SEC22A: variants seen among roughly 807,000 people sequenced by gnomAD.
SEC22A encodes vesicle-trafficking protein SEC22a.
Under a neutral mutation model 35.3 loss-of-function variants are expected in SEC22A, and 22 were observed. The observed-to-expected ratio is 0.62, with a 90% CI of 0.45 to 0.89. The LOEUF is 0.89. SEC22A is among the 40% of genes least tolerant of loss of function. SEC22A has a pLI of 0.00. For synonymous variants in SEC22A, 119 were observed against 129.5 expected (o/e 0.92, Z 0.55); for missense variants, 354 against 362.5 (o/e 0.98, Z 0.19).
At chr3:123,217,203 A>ATT (rs201483175) in intron 2 of SEC22A, among the ~76,000 whole-genome samples, 3,960 of 144,834 alleles carry the variant, frequency 0.027, 157 homozygotes, top group African/African-American at 0.09. Flanking sequence ...ATTCCAAAAC[A>ATT]TTTTTTTTTT....
At chr3:123,203,053 CTTTTTT>C (rs779433710) in intron 1 of SEC22A, among the ~76,000 whole-genome samples, 3,990 of 44,134 alleles carry the variant, frequency 0.09, 439 homozygotes, top group African/African-American at 0.14. Context: ...TGTTTAGTGC[CTTTTTT>C]TTTTTTTTTT....
chr3:123,259,648 T>C, intron 6 of SEC22A, 59 bp downstream of exon 6: 1 of 1,106,354 alleles, frequency 9.0e-7, no homozygotes. Flanking sequence ...CGGGTATCAG[T>C]TCTAACAATT....
Position 123,220,881 on chromosome 3 carries a change from CAT to C in SEC22A, c.183-2663_183-2662del, listed in dbSNP as rs755724948. Among the ~76,000 whole-genome samples, 33 of 93,134 alleles carry C rather than the reference CAT, an allele frequency of 3.5e-4. 1 individual carries two copies. The highest frequency in any genetic ancestry group is 3.3e-3 in the East Asian group (12 of 3,682). 61.1% of individuals were successfully genotyped at this position (93,134 alleles called of 152,430 possible). On this transcript the variant is annotated intron_variant, in intron 2 of 6. Transcript: ENST00000492595. ...AAAAAAGGTCTCATATATATATATA[CAT>C]ATATATATATATATGTCACATGTAT... is the stretch of plus-strand genomic sequence containing the variant.
At chr3:123,230,341 C>A (rs1937299007) in intron 4 of SEC22A, among the ~76,000 whole-genome samples, 1 of 152,044 alleles carries the variant, frequency 6.6e-6, no homozygotes, top group African/African-American at 2.4e-5. Flanking sequence ...TAATTCAAAT[C>A]AACAGGAACT....
chr3:123,222,247 G>A (rs1937136938), intron 2 of SEC22A, among the ~76,000 whole-genome samples: 1 of 151,812 alleles, frequency 6.6e-6, no homozygotes, highest in East Asian at 1.9e-4. Context: ...CACCCAGGCT[G>A]GAGTGCAATG....
intron 2 of SEC22A, among the ~76,000 whole-genome samples, chr3:123,217,628 A>T (rs1214921430): frequency 2.0e-5 from 3 of 152,242 alleles, no homozygotes; most frequent in African/African-American, 7.2e-5. Context: ...ACTACAAAGG[A>T]TAAGCAGAGT....
chr3:123,214,346 A>G (rs967925582), intron 2 of SEC22A, among the ~76,000 whole-genome samples: 1 of 152,238 alleles, frequency 6.6e-6, no homozygotes. Flanking sequence ...TCTGTGGAGC[A>G]TGGCTTGTGC....
intron 4 of SEC22A, among the ~76,000 whole-genome samples, chr3:123,236,457 C>T (rs1408716547): frequency 6.6e-6 from 1 of 152,124 alleles, no homozygotes; most frequent in Non-Finnish European, 1.5e-5. Flanking sequence ...AGGATGGAGG[C>T]CCAGAGAGAT....
intron 4 of SEC22A, among the ~76,000 whole-genome samples, chr3:123,234,154 C>T (rs987326309): frequency 1.3e-5 from 2 of 152,164 alleles, no homozygotes; most frequent in African/African-American, 4.8e-5. Context: ...CAAATAGTCT[C>T]ATGTTCATGG....
At chr3:123,229,102 T>C (rs1372173234) in intron 4 of SEC22A, among the ~76,000 whole-genome samples, 2 of 152,150 alleles carry the variant, frequency 1.3e-5, no homozygotes, top group Non-Finnish European at 2.9e-5. Flanking sequence ...GTTCCCAGAT[T>C]TACTGAAGAA....
At chr3:123,230,072 C>T (rs1559756015) in intron 4 of SEC22A, among the ~76,000 whole-genome samples, 1 of 151,376 alleles carries the variant, frequency 6.6e-6, no homozygotes, top group Non-Finnish European at 1.5e-5. Context: ...CCCATGAGCC[C>T]AGGAATTTGA....
intron 4 of SEC22A, among the ~76,000 whole-genome samples, chr3:123,229,619 T>C (rs980588846): frequency 6.6e-6 from 1 of 152,168 alleles, no homozygotes; most frequent in African/African-American, 2.4e-5. Context: ...ATCCCAACAC[T>C]TTGGGAGGCT....
chr3:123,212,559 A>G (rs1277622361), intron 2 of SEC22A, among the ~76,000 whole-genome samples: 1 of 152,070 alleles, frequency 6.6e-6, no homozygotes, highest in Admixed American at 6.5e-5. Flanking sequence ...ACTCTCTTTT[A>G]AAATTAAAAA....
At chr3:123,242,534 A>G (rs1173141772) in intron 4 of SEC22A, among the ~76,000 whole-genome samples, 2 of 150,010 alleles carry the variant, frequency 1.3e-5, no homozygotes, top group Non-Finnish European at 3.0e-5. Flanking sequence ...TTATTCTTTA[A>G]TGAACTCCCA....
chr3:123,237,585 A>C (rs9876874), intron 4 of SEC22A, among the ~76,000 whole-genome samples: 31,829 of 152,014 alleles, frequency 0.21, 3,464 homozygotes, highest in Middle Eastern at 0.28. Flanking sequence ...CTTCCATTGG[A>C]CCTTCCTTCT....
At chr3:123,247,895 C>T (rs577184304) in intron 5 of SEC22A, among the ~76,000 whole-genome samples, 46 of 152,184 alleles carry the variant, frequency 3.0e-4, no homozygotes, top group African/African-American at 9.2e-4. Context: ...CCCAGGTATG[C>T]GGGGGCCAGT....
At chr3:123,233,596 A>C (rs1196274080) in intron 4 of SEC22A, among the ~76,000 whole-genome samples, 1 of 152,196 alleles carries the variant, frequency 6.6e-6, no homozygotes, top group Admixed American at 6.5e-5. Context: ...ATCTCAATAC[A>C]TGCAGAAAAA....
At chr3:123,222,189 G>A (rs760248076) in intron 2 of SEC22A, among the ~76,000 whole-genome samples, 98 of 150,564 alleles carry the variant, frequency 6.5e-4, no homozygotes, top group Admixed American at 1.5e-3. Flanking sequence ...GTATTTAGTC[G>A]TCATATCTCT....
At chr3:123,263,208 A>G (rs1325293253) in intron 6 of SEC22A, among the ~76,000 whole-genome samples, 1 of 152,254 alleles carries the variant, frequency 6.6e-6, no homozygotes, top group Non-Finnish European at 1.5e-5. Context: ...AATACCATAG[A>G]TTGGGTGGCT....
Sources: allele counts gnomAD v4.1 joint callset (sites outside exome capture counted in the v4.1 genomes callset), GRCh38; gene constraint gnomAD v4.1.1; transcripts MANE v1.5; gene names NCBI Gene and HGNC (gene_info 2026-07-23, HGNC 2026-07-21).